Variants in GLIS3 observed in about 807,000 individuals in gnomAD.
GLIS3 encodes the protein zinc finger protein GLIS3.
A neutral mutation model predicts 78.6 loss-of-function variants in GLIS3; 53 were observed. The ratio of observed to expected loss-of-function variants is 0.67; its 90% CI spans 0.54 to 0.85. The LOEUF is 0.85. GLIS3 is among the 40% of genes least tolerant of loss of function. The pLI is 0.00. For missense variants in GLIS3, 1,703 were observed against 1,231.1 expected (o/e 1.38, Z -5.74); for synonymous variants, 684 against 509.9 (o/e 1.34, Z -4.60).
At chr9:4,059,541 A>T (rs1826445786) in intron 4 of GLIS3, among the ~76,000 whole-genome samples, 1 of 152,310 alleles carries the variant, frequency 6.6e-6, no homozygotes, top group Non-Finnish European at 1.5e-5. Flanking sequence ...TTTCTAGCCT[A>T]TTCTTGGCCT....
intron 7 of GLIS3, among the ~76,000 whole-genome samples, chr9:3,891,099 G>C (rs938644101): frequency 4.0e-5 from 6 of 150,312 alleles, no homozygotes; most frequent in African/African-American, 1.5e-4. Flanking sequence ...AAGAAAGTAG[G>C]AGGAAGAGGA....
At chr9:3,976,987 C>A (rs1454919763) in intron 4 of GLIS3, among the ~76,000 whole-genome samples, 2 of 151,144 alleles carry the variant, frequency 1.3e-5, no homozygotes, top group African/African-American at 4.9e-5. Flanking sequence ...ATAATCATGA[C>A]AGATGGCTCC....
At chr9:3,896,670 T>TTAAAAAAAAAAAAAAAA (rs1554641917) in intron 7 of GLIS3, among the ~76,000 whole-genome samples, 5 of 49,982 alleles carry the variant, frequency 1.0e-4, no homozygotes, top group Admixed American at 7.1e-4. Context: ...CCATCTCAAT[T>TTAAAAAAAAAAAAAAAA]AAAAAAAAAA....
intron 4 of GLIS3, among the ~76,000 whole-genome samples, chr9:4,306,947 G>GAGA: frequency 6.6e-6 from 1 of 152,344 alleles, no homozygotes; most frequent in Admixed American, 6.5e-5. Flanking sequence ...AGCAGATTGC[G>GAGA]TAAGTCAGAA....
intron 4 of GLIS3, among the ~76,000 whole-genome samples, chr9:4,113,182 T>G (rs920209896): frequency 5.9e-5 from 9 of 152,156 alleles, no homozygotes; most frequent in Admixed American, 3.3e-4. Flanking sequence ...AATATATATA[T>G]GCGTATTTTA....
At chr9:3,847,851 C>G (rs990104574) in intron 9 of GLIS3, among the ~76,000 whole-genome samples, 2 of 152,202 alleles carry the variant, frequency 1.3e-5, no homozygotes, top group Non-Finnish European at 2.9e-5. Flanking sequence ...TAATTAAGGA[C>G]TTCTCCAAAT....
chr9:4,432,199 G>A, the GLIS3 span, among the ~76,000 whole-genome samples: 17 of 151,506 alleles, frequency 1.1e-4, no homozygotes, highest in East Asian at 3.3e-3. Context: ...AAAGTGCCTC[G>A]TACAAAGGTC....
At chr9:4,043,778 G>C (rs568211932) in intron 4 of GLIS3, among the ~76,000 whole-genome samples, 2 of 152,214 alleles carry the variant, frequency 1.3e-5, no homozygotes, top group Non-Finnish European at 2.9e-5. Context: ...AGAATAATGT[G>C]ACTGAGTAAC....
At chr9:4,084,756 A>T (rs1007951698) in intron 4 of GLIS3, among the ~76,000 whole-genome samples, 1 of 151,704 alleles carries the variant, frequency 6.6e-6, no homozygotes, top group African/African-American at 2.4e-5. Flanking sequence ...GACCTAACAA[A>T]CTCCTTGGCT....
chr9:4,337,311 A>C (rs1817769473), intron 2 of GLIS3, among the ~76,000 whole-genome samples: 1 of 152,230 alleles, frequency 6.6e-6, no homozygotes, highest in African/African-American at 2.4e-5. Flanking sequence ...AAATAACATA[A>C]ATGTCTAACA....
intron 6 of GLIS3, among the ~76,000 whole-genome samples, chr9:3,908,445 T>G (rs1374172189): frequency 6.6e-6 from 1 of 152,216 alleles, no homozygotes; most frequent in African/African-American, 2.4e-5. Flanking sequence ...TGTTAGTGAT[T>G]CTGATCTTCA....
At chr9:4,245,356 G>A (rs960811731) in intron 2 of GLIS3, among the ~76,000 whole-genome samples, 2 of 152,164 alleles carry the variant, frequency 1.3e-5, no homozygotes, top group Non-Finnish European at 2.9e-5. Flanking sequence ...CCTAGGAATC[G>A]GAAGACCCAA....
At chr9:4,349,575 T>G (rs1817937381), upstream of GLIS3, among the ~76,000 whole-genome samples, 1 of 152,086 alleles carries the variant, frequency 6.6e-6, no homozygotes, top group Non-Finnish European at 1.5e-5. Flanking sequence ...CTAACAAAAC[T>G]TTGTTAATTT....
intron 2 of GLIS3, among the ~76,000 whole-genome samples, chr9:4,177,713 C>G (rs985212175): frequency 4.6e-5 from 7 of 152,216 alleles, no homozygotes; most frequent in South Asian, 2.1e-4. Flanking sequence ...AAGCCAGCAT[C>G]CAAGAGACAT....
At chr9:4,256,723 G>T (rs1459782357) in intron 2 of GLIS3, among the ~76,000 whole-genome samples, 1 of 152,170 alleles carries the variant, frequency 6.6e-6, no homozygotes, top group South Asian at 2.1e-4. Context: ...TTTATCAATA[G>T]GAGAATGAGT....
At chr9:4,415,618 A>G in the GLIS3 span, among the ~76,000 whole-genome samples, 8 of 152,196 alleles carry the variant, frequency 5.3e-5, no homozygotes, top group South Asian at 4.1e-4. Flanking sequence ...AAAAAATTGC[A>G]TATTTTGTAA....
the GLIS3 span, among the ~76,000 whole-genome samples, chr9:4,362,498 A>G: frequency 6.6e-6 from 1 of 152,216 alleles, no homozygotes. Flanking sequence ...GGCCAGTTTT[A>G]TTAAAATCCT....
At chr9:4,188,606 G>C (rs28814047) in intron 2 of GLIS3, among the ~76,000 whole-genome samples, 55,919 of 151,834 alleles carry the variant, frequency 0.37, 10,533 homozygotes, top group African/African-American at 0.42. Flanking sequence ...GTAGAATTCA[G>C]CTGTGAATCC....
chr9:4,317,822 A>G (rs1317217151), intron 2 of GLIS3, among the ~76,000 whole-genome samples: 1 of 152,230 alleles, frequency 6.6e-6, no homozygotes, highest in Non-Finnish European at 1.5e-5. Context: ...AGAGTGAATG[A>G]AGTAGCACAT....
Sources: gnomAD v4.1 joint callset for allele counts (sites outside exome capture counted in the v4.1 genomes callset) on GRCh38, gnomAD v4.1.1 for gene constraint, MANE v1.5 for transcripts, NCBI Gene and HGNC (gene_info 2026-07-23, HGNC 2026-07-21) for gene names.